The following TTLL11 variants were observed in gnomAD, a reference collection of about 807,000 sequenced individuals.
TTLL11 encodes tubulin polyglutamylase TTLL11.
TTLL11 carries 42 observed loss-of-function variants against 51.7 expected under a neutral mutation model. That is an observed-to-expected ratio of 0.81 (90% confidence interval 0.64 to 1.05). The LOEUF (loss-of-function observed/expected upper bound fraction) is 1.05, where lower values mean the gene tolerates loss of function less well. Ranked by LOEUF, TTLL11 falls within the 50% of genes least tolerant of loss-of-function variation. TTLL11 has a pLI of 0.00. For missense variants in TTLL11, 799 were observed against 940.4 expected (o/e 0.85, Z 1.97); for synonymous variants, 381 against 383.5 (o/e 0.99, Z 0.08).
chr9:121,934,989 C>G (rs766658227), intron 6 of TTLL11, among the ~76,000 whole-genome samples: 1 of 152,114 alleles, frequency 6.6e-6, no homozygotes, highest in Non-Finnish European at 1.5e-5. Flanking sequence ...AAGTCTAGCT[C>G]TGTCACCCAG....
chr9:122,059,159 T>C (rs1845374856), intron 1 of TTLL11, among the ~76,000 whole-genome samples: 1 of 152,114 alleles, frequency 6.6e-6, no homozygotes, highest in Non-Finnish European at 1.5e-5. Context: ...AAAAGAAACA[T>C]TGTGGGATTA....
chr9:122,062,424 A>T (rs1001381344), intron 1 of TTLL11, among the ~76,000 whole-genome samples: 62 of 144,246 alleles, frequency 4.3e-4, no homozygotes, highest in African/African-American at 1.6e-3. Context: ...CCAAATCTGT[A>T]TCCCATTATA....
intron 8 of TTLL11, among the ~76,000 whole-genome samples, chr9:121,825,307 G>T (rs118061940): frequency 5.1e-4 from 78 of 152,240 alleles, no homozygotes; most frequent in Middle Eastern, 3.4e-3. Context: ...CCCAGTCCCA[G>T]TCCCCTACTT....
chr9:121,860,263 A>T, intron 8 of TTLL11, 74 bp downstream of exon 8: 1 of 1,171,990 alleles, frequency 8.5e-7, no homozygotes. Context: ...ACCCTTGACA[A>T]GAAGGAACAG....
Position 122,092,836 on chromosome 9 carries a change from G to A in TTLL11, c.313C>T (p.Pro105Ser), listed in dbSNP as rs1316294554. ...PVQGLCPHGKPRDKGRSCKRS... is the reference protein window; with the variant it reads ...PVQGLCPHGKSRDKGRSCKRS... ...TTGCAGCTTCGGCCCTTGTCCCGGG[G>A]CTTCCCGTGCGGGCAGAGGCCCTGC... Residue 105 changes from proline (P) to serine (S), a missense_variant, in exon 1 of 9, where the codon CCC (proline) becomes TCC (serine). Physicochemically the swap from Pro to Ser is moderately conservative, Grantham distance 74. Transcript: ENST00000321582. 6.4e-7 allele frequency: 1 copy of A among 1,561,434 alleles called. No homozygotes were observed. Among genetic ancestry groups the A allele is most frequent in the South Asian group, 1.2e-5 (1 of 85,784 alleles).
chr9:122,008,481 A>G (rs1053855393), intron 3 of TTLL11, among the ~76,000 whole-genome samples: 6 of 152,258 alleles, frequency 3.9e-5, no homozygotes, highest in Non-Finnish European at 8.8e-5. Flanking sequence ...AAAAATGCTC[A>G]GAATCACTAA....
intron 3 of TTLL11, among the ~76,000 whole-genome samples, chr9:121,994,690 G>A (rs1843204800): frequency 6.6e-6 from 1 of 152,216 alleles, no homozygotes; most frequent in South Asian, 2.1e-4. Context: ...GCCCTTGAAT[G>A]TTGGTTTAGA....
At chr9:121,920,259 C>A (rs1448469593) in intron 6 of TTLL11, among the ~76,000 whole-genome samples, 1 of 152,200 alleles carries the variant, frequency 6.6e-6, no homozygotes, top group East Asian at 1.9e-4. Context: ...GCCAAGATTG[C>A]ACGACTGCAC....
At chr9:121,858,280 G>A (rs943685052) in intron 8 of TTLL11, among the ~76,000 whole-genome samples, 1 of 152,126 alleles carries the variant, frequency 6.6e-6, no homozygotes, top group African/African-American at 2.4e-5. Flanking sequence ...GGAGCTCGGT[G>A]GTCATCTCAC....
At chr9:121,826,642 T>C (rs1344484334) in intron 8 of TTLL11, among the ~76,000 whole-genome samples, 3 of 149,156 alleles carry the variant, frequency 2.0e-5, no homozygotes, top group South Asian at 2.1e-4. Context: ...CCAATCCTCA[T>C]GCACTGCTGC....
chr9:121,847,919 T>C (rs1360686912), intron 8 of TTLL11, among the ~76,000 whole-genome samples: 2 of 152,172 alleles, frequency 1.3e-5, no homozygotes, highest in Admixed American at 1.3e-4. Flanking sequence ...TATCAGCAAA[T>C]TGAATCACAG....
intron 8 of TTLL11, among the ~76,000 whole-genome samples, chr9:121,843,751 C>A (rs911549247): frequency 1.3e-5 from 2 of 152,182 alleles, no homozygotes; most frequent in African/African-American, 4.8e-5. Context: ...CAGCTCACTG[C>A]AGCCTTGACC....
At chr9:121,998,389 C>T (rs976302508) in intron 3 of TTLL11, among the ~76,000 whole-genome samples, 2 of 152,044 alleles carry the variant, frequency 1.3e-5, no homozygotes, top group African/African-American at 2.4e-5. Context: ...TGGGTTCAAG[C>T]GATTCTCGTG....
At chr9:121,895,649 GTGTA>G (rs1489773933) in intron 6 of TTLL11, among the ~76,000 whole-genome samples, 1 of 121,270 alleles carries the variant, frequency 8.2e-6, no homozygotes, top group Admixed American at 8.5e-5. Context: ...ATGAGTGTGT[GTGTA>G]TGTGTGGTTG....
intron 6 of TTLL11, among the ~76,000 whole-genome samples, chr9:121,968,498 G>A (rs1045295516): frequency 9.9e-5 from 15 of 152,284 alleles, no homozygotes; most frequent in Middle Eastern, 3.4e-3. Context: ...AAGTATACCA[G>A]GAAAGAGAAT....
At chr9:121,986,890 G>A (rs1306330943) in intron 4 of TTLL11, among the ~76,000 whole-genome samples, 1 of 151,824 alleles carries the variant, frequency 6.6e-6, no homozygotes, top group African/African-American at 2.4e-5. Flanking sequence ...AATGTTCCTT[G>A]ACAGAAGAAC....
chr9:121,840,130 A>G (rs921979506), intron 8 of TTLL11, among the ~76,000 whole-genome samples: 1 of 152,196 alleles, frequency 6.6e-6, no homozygotes, highest in Non-Finnish European at 1.5e-5. Flanking sequence ...TGCCTTCTTT[A>G]CAGAAGGTAA....
At chr9:121,917,024 C>A (rs1202764612) in intron 6 of TTLL11, among the ~76,000 whole-genome samples, 1 of 152,200 alleles carries the variant, frequency 6.6e-6, no homozygotes. Context: ...AAGAGGCTGA[C>A]CCCAGTCCAA....
At position 122,093,064 on chromosome 9, in the gene TTLL11, CAGCTTT is replaced by C. The variant is rs760353253; in HGVS notation, c.79_84del (p.Lys27_Ala28del). 22 of 1,510,402 alleles carry C rather than the reference CAGCTTT, an allele frequency of 1.5e-5. No individual in the cohort carries two copies. Among genetic ancestry groups the C allele is most frequent in the Non-Finnish European group, 1.6e-5 (18 of 1,137,162 alleles). The allele number at this position is 1,510,402 out of a possible 1,614,324, so 93.6% of individuals were successfully genotyped here. ...ACCGTCTCCGCTGTGGCCTCGGCCT[CAGCTTT>C]GGCCGCCGCTTTGGCCGCAGCCACC... is the stretch of plus-strand genomic sequence containing the variant. On this transcript the variant is annotated inframe_deletion, in exon 1 of 9. Coordinates refer to ENST00000321582, the MANE Select transcript of TTLL11 (RefSeq NM_001139442.2).
Sources: gnomAD v4.1 joint callset for allele counts (sites outside exome capture counted in the v4.1 genomes callset) on GRCh38, gnomAD v4.1.1 for gene constraint, MANE v1.5 for transcripts, NCBI Gene and HGNC (gene_info 2026-07-23, HGNC 2026-07-21) for gene names.